Variants in ZFHX3 observed in about 807,000 individuals in gnomAD.
The protein encoded by ZFHX3 is zinc finger homeobox 3, also known as zinc finger homeobox protein 3.
A neutral mutation model predicts 279.1 loss-of-function variants in ZFHX3; 42 were observed. The ratio of observed to expected loss-of-function variants is 0.15; its 90% CI spans 0.12 to 0.19. The LOEUF (loss-of-function observed/expected upper bound fraction) is 0.19. Ranked by LOEUF, ZFHX3 falls within the 10% of genes least tolerant of loss-of-function variation. ZFHX3 has a pLI of 1.00. For missense variants in ZFHX3, 4,981 were observed against 4,754.0 expected (o/e 1.05, Z -1.40); for synonymous variants, 2,293 against 1,957.8 (o/e 1.17, Z -4.52).
Position 72,785,558 on chromosome 16 carries a change from A to G in ZFHX3, c.*1606T>C, listed in dbSNP as rs555623456. 6.5e-6 allele frequency: 1 copy of G among 152,744 alleles called. No homozygotes were observed. The highest frequency in any genetic ancestry group is 6.5e-5 in the Admixed American group (1 of 15,302). The allele number at this position is 152,744 out of a possible 1,614,324, so 9.5% of individuals were successfully genotyped here. On this transcript the variant is annotated 3_prime_UTR_variant, in exon 10 of 10. Coordinates refer to ENST00000268489, the MANE Select transcript of ZFHX3 (RefSeq NM_006885.4). ...TGTTTAAATCAGAAACAAATTCTCA[A>G]GTAACAAGAACCCTTTCCCTTTTTT...
At position 72,795,695 on chromosome 16, in the gene ZFHX3, C is replaced by T; in HGVS notation, c.6987G>A (p.Gln2329=). The part of the protein sequence containing the change: ...RYIRTSNLNY[Q]CKKCSLVFQR... ...GAAACACCAGGCTACATTTTTTGCA[C>T]TGGTAGTTCAAGTTGCTTGTTCGAA... is the stretch of plus-strand genomic sequence containing the variant. Residue 2329 remains glutamine, a synonymous_variant, in exon 9 of 10, where the codon CAG becomes CAA. Coordinates refer to ENST00000268489, the MANE Select transcript of ZFHX3 (RefSeq NM_006885.4). The T allele has an allele frequency of 6.2e-7, 1 of 1,614,128 alleles. No individual in the cohort carries two copies. The highest frequency in any genetic ancestry group is 1.1e-5 in the South Asian group (1 of 91,070).
At chr16:73,877,488 G>A (rs984388249) in intron 1 of ZFHX3, among the ~76,000 whole-genome samples, 1 of 152,058 alleles carries the variant, frequency 6.6e-6, no homozygotes, top group Non-Finnish European at 1.5e-5. Flanking sequence ...AATTCAAAAG[G>A]AATCAAGTTG....
chr16:73,457,959 A>G (rs1229877673), intron 2 of ZFHX3, among the ~76,000 whole-genome samples: 9 of 152,124 alleles, frequency 5.9e-5, no homozygotes, highest in Admixed American at 5.9e-4. Context: ...AATAAGGGGC[A>G]CTTAAGCTCA....
In ZFHX3 at chr16:72,796,724, G is replaced by C. The variant is rs377502032; in HGVS notation, c.5958C>G (p.Asp1986Glu). The C allele has an allele frequency of 2.5e-6, 4 of 1,613,820 alleles. No homozygotes were observed. Among genetic ancestry groups the C allele is most frequent in the Admixed American group, 1.7e-5 (1 of 59,986 alleles). Residue 1986 changes from aspartate (D) to glutamate (E), a missense_variant, in exon 9 of 10, where the codon GAC becomes GAG. Asp to Glu is a conservative substitution (Grantham distance 45, BLOSUM62 2). This residue lies in a region of ZFHX3 where 1,751 missense variants were observed against 1,770.0 expected (regional missense o/e 0.99). Transcript: ENST00000268489. ...TGTTGGAAAACAACTTGCCGCAGGA[G>C]TCACACTCGAGCTTTTCCAGGTTCT... ...QGENLEKLEC[D>E]SCGKLFSNIL...
chr16:73,872,645 C>G (rs1375077791), intron 1 of ZFHX3, among the ~76,000 whole-genome samples: 1 of 148,564 alleles, frequency 6.7e-6, no homozygotes, highest in Non-Finnish European at 1.5e-5. Flanking sequence ...TAATTCACAC[C>G]TTTCATGGTA....
Position 73,514,242 on chromosome 16 carries a change from C to T in ZFHX3, c.-1546-57984G>A, listed in dbSNP as rs563276765. On this transcript the variant is annotated intron_variant, in intron 2 of 17. Transcript: ENST00000641206. ...CAGCCTGGGTGACAGAGCAAGACTC[C>T]GTCTCAAAAAAAAAATAAAAAATAA... Among the ~76,000 whole-genome samples the T allele has an allele frequency of 8.6e-5, 13 of 151,116 alleles. No individual in the cohort carries two copies. In the South Asian group the frequency reaches 2.1e-3, roughly 24 times the overall value.
chr16:72,970,653 T>C (rs1378301823), intron 1 of ZFHX3, among the ~76,000 whole-genome samples: 1 of 152,230 alleles, frequency 6.6e-6, no homozygotes, highest in African/African-American at 2.4e-5. Flanking sequence ...CTTCTGGCAC[T>C]TTCCCGGCTA....
intron 4 of ZFHX3, among the ~76,000 whole-genome samples, chr16:73,309,571 TGA>T (rs2015274329): frequency 6.6e-6 from 1 of 152,092 alleles, no homozygotes; most frequent in African/African-American, 2.4e-5. Context: ...AAGCGACAGA[TGA>T]GAGTGGGGTT....
intron 1 of ZFHX3, among the ~76,000 whole-genome samples, chr16:73,842,385 C>A (rs571126361): frequency 6.6e-6 from 1 of 152,032 alleles, no homozygotes; most frequent in Non-Finnish European, 1.5e-5. Flanking sequence ...GGAATTACCC[C>A]CCAGCCTTAA....
intron 7 of ZFHX3, among the ~76,000 whole-genome samples, chr16:73,121,559 T>G (rs1422566513): frequency 6.6e-6 from 1 of 152,144 alleles, no homozygotes; most frequent in Non-Finnish European, 1.5e-5. Context: ...TTCTAACATC[T>G]TTCATGATAT....
rs771122441 is a variant in ZFHX3, at chr16:72,788,710, G to A, written c.9566C>T (p.Ala3189Val). The change falls in exon 10 of 10, where the codon GCG becomes GTG. Residue 3189 changes from alanine to valine, a missense_variant. By Grantham distance (64) the Ala-to-Val change is moderately conservative (BLOSUM62 0). Around this residue, in one of 7 missense-constraint regions of ZFHX3, gnomAD observed 1,034 missense variants for 786.0 expected, o/e 1.32. Transcript: ENST00000268489. Reference protein sequence around the residue: ...SSPTPAQATMAMGPQQPPQQQ... With the variant: ...SSPTPAQATMVMGPQQPPQQQ... ...CTGGGGGGGTTGCTGAGGGCCCATCGCCATCGTGGCTTGTGCTGGGGTTGG... is the reference window on the plus strand; with the variant it reads ...CTGGGGGGGTTGCTGAGGGCCCATCACCATCGTGGCTTGTGCTGGGGTTGG... The A allele has an allele frequency of 6.8e-6, 11 of 1,610,762 alleles. No individual in the cohort carries two copies. Among genetic ancestry groups the A allele is most frequent in the Non-Finnish European group, 9.3e-6 (11 of 1,178,166 alleles).
At chr16:73,815,304 A>G (rs374791004) in intron 1 of ZFHX3, among the ~76,000 whole-genome samples, 6 of 152,288 alleles carry the variant, frequency 3.9e-5, no homozygotes, top group African/African-American at 1.4e-4. Context: ...GCATACCTGA[A>G]TGTTTTTCAC....
chr16:73,858,192 G>A (rs1961789160), intron 1 of ZFHX3, among the ~76,000 whole-genome samples: 1 of 152,100 alleles, frequency 6.6e-6, no homozygotes, highest in Non-Finnish European at 1.5e-5. Context: ...CCATGCACAT[G>A]AGGGTTGGGG....
At chr16:73,655,931 A>G (rs2052717297) in intron 2 of ZFHX3, among the ~76,000 whole-genome samples, 2 of 152,264 alleles carry the variant, frequency 1.3e-5, no homozygotes, top group Non-Finnish European at 2.9e-5. Flanking sequence ...ATGTATACAT[A>G]GAAGCATTTT....
At chr16:73,462,455 A>T (rs2018488820) in intron 2 of ZFHX3, among the ~76,000 whole-genome samples, 1 of 152,152 alleles carries the variant, frequency 6.6e-6, no homozygotes, top group South Asian at 2.1e-4. Flanking sequence ...ACTATTTGGA[A>T]TGAGAGTGTT....
intron 4 of ZFHX3, among the ~76,000 whole-genome samples, chr16:72,867,841 G>A (rs925338791): frequency 3.9e-5 from 6 of 152,108 alleles, no homozygotes; most frequent in African/African-American, 1.4e-4. Context: ...CAGTTGAGTC[G>A]GTTTTTCTGG....
Position 72,797,489 on chromosome 16 carries a change from CTGTTGCTGCTGCTGT to C in ZFHX3, c.5178_5192del (p.Gln1737_Gln1741del), listed in dbSNP as rs752146867. On this transcript the variant is annotated inframe_deletion, in exon 9 of 10. Coordinates refer to ENST00000268489, the MANE Select transcript of ZFHX3 (RefSeq NM_006885.4). ...GTTGTTGTTGTTGTTGTTGTTGTTG[CTGTTGCTGCTGCTGT>C]TGTTGCTGCTGCCTGGATGCAATCA... The C allele has an allele frequency of 4.5e-5, 72 of 1,597,504 alleles. 1 individual carries two copies. Among genetic ancestry groups the C allele is most frequent in the Middle Eastern group, 1.7e-4 (1 of 6,036 alleles).
intron 2 of ZFHX3, among the ~76,000 whole-genome samples, chr16:73,563,794 A>C (rs2020411527): frequency 6.6e-6 from 1 of 152,132 alleles, no homozygotes; most frequent in Admixed American, 6.5e-5. Context: ...TTGGAGTCCT[A>C]GGATTCTTTT....
chr16:73,844,277 G>A (rs1961387689), intron 1 of ZFHX3, among the ~76,000 whole-genome samples: 1 of 152,196 alleles, frequency 6.6e-6, no homozygotes, highest in African/African-American at 2.4e-5. Context: ...ATATGATGAA[G>A]TTATATGACT....
Sources: gnomAD v4.1 joint callset for allele counts (sites outside exome capture counted in the v4.1 genomes callset) on GRCh38, gnomAD v4.1.1 for gene constraint, gnomAD v4.1.1 regional missense constraint, MANE v1.5 for transcripts, NCBI Gene and HGNC (gene_info 2026-07-23, HGNC 2026-07-21) for gene names.